Variants in NFE2 observed in about 807,000 individuals in gnomAD.
NFE2 encodes the protein transcription factor NF-E2 45 kDa subunit.
A neutral mutation model predicts 25.8 loss-of-function variants in NFE2; 13 were observed. That is an observed-to-expected ratio of 0.50 (90% confidence interval 0.33 to 0.80). NFE2 has a LOEUF of 0.80. NFE2 is among the 30% of genes least tolerant of loss of function. NFE2 has a pLI of 0.02. For synonymous variants in NFE2, 204 were observed against 200.2 expected (o/e 1.02, Z -0.16); for missense variants, 382 against 478.9 (o/e 0.80, Z 1.89).
chr12:54,292,809 C>A lies in NFE2; in HGVS notation c.687G>T (p.Arg229=). 1.2e-6 allele frequency: 2 copies of A among 1,614,178 alleles called. No individual in the cohort carries two copies. Among genetic ancestry groups the A allele is most frequent in the Non-Finnish European group, 1.7e-6 (2 of 1,180,030 alleles). The change falls in exon 3 of 3, where the codon CGG becomes CGT. Residue 229 remains arginine, a synonymous_variant. Transcript: ENST00000435572. ...RGEAGSRDER[R]ALAMKIPFPT... The stretch of plus-strand genomic sequence containing the variant: ...GAAAAGGAATCTTCATGGCCAAGGC[C>A]CGACGTTCATCCCGACTCCCTGCCT...
At chr12:54,294,039 G>A (rs1199966157) in intron 2 of NFE2, among the ~76,000 whole-genome samples, 10 of 152,046 alleles carry the variant, frequency 6.6e-5, no homozygotes, top group African/African-American at 2.2e-4. Flanking sequence ...AGGCCAAGGC[G>A]GGCGGATCAC....
At chr12:54,296,610 CT>C (rs1351134009) in intron 1 of NFE2, among the ~76,000 whole-genome samples, 1 of 152,064 alleles carries the variant, frequency 6.6e-6, no homozygotes, top group Non-Finnish European at 1.5e-5. Flanking sequence ...TTCATCAGTT[CT>C]TTCTGTGGAG....
intron 1 of NFE2, chr12:54,297,666 GGAAAAAAAAA>G (rs1272980019): frequency 1.7e-4 from 13 of 74,816 alleles, no homozygotes; most frequent in African/African-American, 2.8e-4. Flanking sequence ...ACTCTGTTTC[GGAAAAAAAAA>G]AAAAAAAAAA....
At position 54,294,945 on chromosome 12, in the gene NFE2, G is replaced by GCTCCTCCACTC. The variant is rs1316888682; in HGVS notation, c.114+179_114+189dup. On this transcript the variant is annotated intron_variant, in intron 2 of 2. Transcript: ENST00000435572. ...ATCAGATCATTCCCTCCCCACCACT[G>GCTCCTCCACTC]CTCCTCCACTCCTCCTCCTCAACGT... Among the ~76,000 whole-genome samples the GCTCCTCCACTC allele has an allele frequency of 2.6e-5, 4 of 152,194 alleles. No homozygotes were observed. In the South Asian group the frequency reaches 8.3e-4, roughly 32 times the overall value.
intron 1 of NFE2, chr12:54,297,679 A>G (rs976130990): frequency 1.3e-5 from 2 of 151,952 alleles, no homozygotes; most frequent in Non-Finnish European, 2.9e-5. Flanking sequence ...AAAAAAAAAA[A>G]AAAAAAAAAA....
rs189602722 is a variant in NFE2 at position 54,293,305 on chromosome 12, G to A, written c.191C>T (p.Thr64Ile). ...TGGGTGGATTGAGCAGGGGCAGTAAGTTGTGGGTGGTGGAGGTCCAAGGTA... is the reference window on the plus strand; with the variant it reads ...TGGGTGGATTGAGCAGGGGCAGTAAATTGTGGGTGGTGGAGGTCCAAGGTA... ...APYLGPPPPT[T>I]YCPCSIHPDS... Residue 64 changes from threonine (T) to isoleucine (I), a missense_variant, in exon 3 of 3, where the codon ACT (threonine) becomes ATT (isoleucine). Thr to Ile is a moderately conservative substitution (Grantham distance 89, BLOSUM62 -1). Transcript: ENST00000435572. 28 of 1,604,828 alleles carry A rather than the reference G, an allele frequency of 1.7e-5. No individual in the cohort carries two copies. Among genetic ancestry groups the A allele is most frequent in the South Asian group, 3.3e-5 (3 of 89,680 alleles).
At chr12:54,293,406 T>G in intron 2 of NFE2, 25 bp from the exon 3 acceptor site, 1 of 1,446,868 alleles carries the variant, frequency 6.9e-7, no homozygotes, top group Non-Finnish European at 9.2e-7. Flanking sequence ...ACAAAGAGAT[T>G]TGGAGACAGA....
Position 54,295,293 on chromosome 12 carries a change from G to T in NFE2, c.-45C>A. 1.3e-6 allele frequency: 2 copies of T among 1,520,456 alleles called. No individual in the cohort carries two copies. The highest frequency in any genetic ancestry group is 1.8e-6 in the Non-Finnish European group (2 of 1,095,840). 94.2% of individuals were successfully genotyped at this position (1,520,456 alleles called of 1,614,324 possible). A position where few individuals can be genotyped will look rare whatever the true frequency, so the allele number is the denominator to read the frequency against. On this transcript the variant is annotated 5_prime_UTR_variant, in exon 2 of 3. Transcript: ENST00000435572. Reference sequence around the variant, plus strand: ...GTCCAGGTTCCCGGAAAGCCCAGATGGCTCTAGAAACCTGTGTCAAAGGAA... The same window carrying T: ...GTCCAGGTTCCCGGAAAGCCCAGATTGCTCTAGAAACCTGTGTCAAAGGAA...
chr12:54,295,305 C>A lies in NFE2; in HGVS notation c.-56-1G>T. The A allele has an allele frequency of 6.9e-7, 1 of 1,447,124 alleles. No homozygotes were observed. Among genetic ancestry groups the A allele is most frequent in the South Asian group, 1.1e-5 (1 of 86,990 alleles). The allele number at this position is 1,447,124 out of a possible 1,614,324, so 89.6% of individuals were successfully genotyped here. ...GGAAAGCCCAGATGGCTCTAGAAACCTGTGTCAAAGGAAAAGAGGTGTTAG... is the reference window on the plus strand; with the variant it reads ...GGAAAGCCCAGATGGCTCTAGAAACATGTGTCAAAGGAAAAGAGGTGTTAG... On this transcript the variant is annotated splice_acceptor_variant, in intron 1 of 2. Transcript: ENST00000435572. LOFTEE classifies it low-confidence loss of function (5UTR_SPLICE).
At position 54,293,901 on chromosome 12, in the gene NFE2, G is replaced by T. The variant is rs1322768972; in HGVS notation, c.115-520C>A. On this transcript the variant is annotated intron_variant, in intron 2 of 2. Transcript: ENST00000435572. ...AGCAAGAATGGAAGTCACTGAGGTTGGACTGCAGAAAAGACTACCTAACAT... is the reference window on the plus strand; with the variant it reads ...AGCAAGAATGGAAGTCACTGAGGTTTGACTGCAGAAAAGACTACCTAACAT... 2.0e-5 allele frequency among the ~76,000 whole-genome samples: 3 copies of T among 151,920 alleles called. No homozygotes were observed. In the East Asian group the frequency reaches 5.8e-4, roughly 29 times the overall value.
Position 54,292,773 on chromosome 12 carries a change from C to T in NFE2, c.723G>A (p.Lys241=), listed in dbSNP as rs1238825516. 6.2e-7 allele frequency: 1 copy of T among 1,614,232 alleles called. No individual in the cohort carries two copies. The highest frequency in any genetic ancestry group is 1.1e-5 in the South Asian group (1 of 91,088). ...AGTCATCTACCGGCAAGTTGACAAT[C>T]TTGTCCGTAGGAAAAGGAATCTTCA... ...LAMKIPFPTD[K]IVNLPVDDFN... Residue 241 remains lysine (K), a synonymous_variant, in exon 3 of 3, where the codon AAG becomes AAA. Transcript: ENST00000435572.
chr12:54,294,242 A>G (rs370176977), intron 2 of NFE2, among the ~76,000 whole-genome samples: 8 of 152,134 alleles, frequency 5.3e-5, no homozygotes, highest in African/African-American at 1.4e-4. Flanking sequence ...CGTCTCAAAA[A>G]AAAAAAAAAA....
chr12:54,294,925 A>C (rs1345998231), intron 2 of NFE2, among the ~76,000 whole-genome samples: 1 of 152,024 alleles, frequency 6.6e-6, no homozygotes, highest in Non-Finnish European at 1.5e-5. Context: ...TCCCAATCAG[A>C]TCATTCCCTC....
chr12:54,298,733 T>C (rs1944397159), intron 1 of NFE2, among the ~76,000 whole-genome samples: 1 of 151,848 alleles, frequency 6.6e-6, no homozygotes, highest in Non-Finnish European at 1.5e-5. Context: ...ATTGAATCCA[T>C]AAACCCAGGA....
intron 1 of NFE2, among the ~76,000 whole-genome samples, chr12:54,297,377 A>G (rs1944382291): frequency 6.7e-6 from 1 of 150,150 alleles, no homozygotes; most frequent in Non-Finnish European, 1.5e-5. Context: ...AAAAAAAAAA[A>G]AAACGGCCAG....
intron 1 of NFE2, among the ~76,000 whole-genome samples, chr12:54,297,260 T>TG: frequency 7.6e-6 from 1 of 131,738 alleles, no homozygotes; most frequent in East Asian, 2.3e-4. Context: ...GAGGCTGAGG[T>TG]GGGAGGATCA....
At chr12:54,294,363 T>C (rs1944349020) in intron 2 of NFE2, among the ~76,000 whole-genome samples, 1 of 152,070 alleles carries the variant, frequency 6.6e-6, no homozygotes, top group Admixed American at 6.6e-5. Flanking sequence ...AGGGTCAAGT[T>C]CAGATCCTGG....
chr12:54,295,225 C>T lies in NFE2; in HGVS notation c.24G>A (p.Gln8=). MSPCPPQ[Q]SRNRVIQLST... Reference sequence around the variant, plus strand: ...ACAGCTGTATCACCCTGTTCCTGCTCTGCTGGGGAGGACACGGGGACATCC... The same window carrying T: ...ACAGCTGTATCACCCTGTTCCTGCTTTGCTGGGGAGGACACGGGGACATCC... The change falls in exon 2 of 3, where the codon CAG becomes CAA. Residue 8 remains glutamine, a synonymous_variant. Transcript: ENST00000435572. 1 of 1,614,156 alleles carries T rather than the reference C, an allele frequency of 6.2e-7. No individual in the cohort carries two copies. The highest frequency in any genetic ancestry group is 8.5e-7 in the Non-Finnish European group (1 of 1,179,998).
rs751697701 is a variant in NFE2 at position 54,295,460 on chromosome 12, T to TG, written c.-56-157dup. Reference sequence around the variant, plus strand: ...TGCTGGATTCATCAATCCCTTAAGATGGAAAGTCTTTTCCTGTGTTGTGAT... The same window carrying TG: ...TGCTGGATTCATCAATCCCTTAAGATGGGAAAGTCTTTTCCTGTGTTGTGAT... On this transcript the variant is annotated intron_variant, in intron 1 of 2. Transcript: ENST00000435572. The TG allele has an allele frequency of 2.9e-4, 149 of 519,110 alleles. 1 individual carries two copies. Among genetic ancestry groups the TG allele is most frequent in the Middle Eastern group, 5.3e-4 (1 of 1,880 alleles). 32.2% of individuals were successfully genotyped at this position (519,110 alleles called of 1,614,324 possible).
Sources: allele counts gnomAD v4.1 joint callset (sites outside exome capture counted in the v4.1 genomes callset), GRCh38; gene constraint gnomAD v4.1.1; transcripts MANE v1.5; gene names NCBI Gene and HGNC (gene_info 2026-07-23, HGNC 2026-07-21).